SHB: variants seen among roughly 807,000 people sequenced by gnomAD.
SHB encodes SH2 domain-containing adapter protein B.
A neutral mutation model predicts 52.3 loss-of-function variants in SHB; 20 were observed. That is an observed-to-expected ratio of 0.38 (90% CI 0.27 to 0.56). The LOEUF (loss-of-function observed/expected upper bound fraction) is 0.56, where lower values mean the gene tolerates loss of function less well. Among genes scored for constraint, SHB ranks in the 20% least tolerant of loss-of-function variants. The pLI is 0.71. For synonymous variants in SHB, 397 were observed against 316.5 expected, an observed-to-expected ratio of 1.25 and a Z score of -2.70; for missense variants, 825 against 723.3, an observed-to-expected ratio of 1.14 and a Z score of -1.61.
chr9:38,062,368 C>G (rs980707037), intron 1 of SHB, among the ~76,000 whole-genome samples: 2 of 152,154 alleles, frequency 1.3e-5, no homozygotes, highest in African/African-American at 2.4e-5. Context: ...TTGCCTGTAT[C>G]CCTGCCCTTT....
At chr9:38,021,105 A>AG (rs1290630112) in intron 1 of SHB, among the ~76,000 whole-genome samples, 6 of 152,218 alleles carry the variant, frequency 3.9e-5, no homozygotes, top group Non-Finnish European at 8.8e-5. Context: ...TGGGAGGCCG[A>AG]GGCGGGCGGA....
intron 5 of SHB, among the ~76,000 whole-genome samples, chr9:37,938,337 G>A (rs997079045): frequency 1.3e-5 from 2 of 152,208 alleles, no homozygotes; most frequent in Non-Finnish European, 2.9e-5. Flanking sequence ...CCCTTTCACT[G>A]ATAGCAGATG....
intron 5 of SHB, among the ~76,000 whole-genome samples, chr9:37,942,809 G>A (rs1832449432): frequency 2.6e-5 from 4 of 152,096 alleles, no homozygotes; most frequent in Admixed American, 1.3e-4. Context: ...GCCTGCCCAC[G>A]TGCTGTTCGC....
chr9:38,026,453 T>C (rs1014423742), intron 1 of SHB, among the ~76,000 whole-genome samples: 2 of 152,232 alleles, frequency 1.3e-5, no homozygotes, highest in African/African-American at 4.8e-5. Flanking sequence ...CTCATGCACA[T>C]TTCCCACAGG....
rs187594767 is a variant in SHB, at chr9:37,973,268, G to A, written c.1054+1354C>T. On this transcript the variant is annotated intron_variant, in intron 3 of 5. Coordinates refer to ENST00000377707, the MANE Select transcript of SHB (RefSeq NM_003028.3). ...TTTTATTTTTTGCTCTTGTTGCCCA[G>A]GCTGGAGTGCAATGGTGCGATCTCG... Among the ~76,000 whole-genome samples, 23 of 152,270 alleles carry A rather than the reference G, an allele frequency of 1.5e-4. No individual in the cohort carries two copies. In the East Asian group the frequency reaches 4.0e-3, roughly 27 times the overall value.
intron 1 of SHB, 123 bp downstream of exon 1, chr9:38,067,805 GC>G: frequency 9.0e-7 from 1 of 1,105,624 alleles, no homozygotes; most frequent in African/African-American, 1.7e-5. Flanking sequence ...CAGCACGCCA[GC>G]CCCGACCCAG....
Position 37,917,658 on chromosome 9 carries a change from CATCTT to C in SHB, c.*2158_*2162del, listed in dbSNP as rs1430489715. Among the ~76,000 whole-genome samples the C allele has an allele frequency of 6.6e-6, 1 of 152,242 alleles. No individual in the cohort carries two copies. Among genetic ancestry groups the C allele is most frequent in the African/African-American group, 2.4e-5 (1 of 41,456 alleles). ...TTTGGCCAAGTGCCAACTCCTCACT[CATCTT>C]GTCATTTCCCACCTACCTTCCCACT... On this transcript the variant is annotated 3_prime_UTR_variant, in exon 6 of 6. Transcript: ENST00000377707.
At chr9:38,066,223 G>GA (rs1435385806) in intron 1 of SHB, among the ~76,000 whole-genome samples, 12 of 152,310 alleles carry the variant, frequency 7.9e-5, no homozygotes, top group Middle Eastern at 3.4e-3. Context: ...CTGTAACTGG[G>GA]AAAAAATGTT....
At chr9:37,931,876 G>T (rs1257772878) in intron 5 of SHB, among the ~76,000 whole-genome samples, 1 of 152,200 alleles carries the variant, frequency 6.6e-6, no homozygotes, top group Non-Finnish European at 1.5e-5. Flanking sequence ...AGAAACTGTG[G>T]TGTATGTATG....
chr9:37,956,664 T>C (rs1832639155), intron 3 of SHB, among the ~76,000 whole-genome samples: 2 of 152,182 alleles, frequency 1.3e-5, no homozygotes, highest in Admixed American at 1.3e-4. Context: ...CCTGGGCCTG[T>C]GGGAGCATCG....
rs144340954 is a variant in SHB, at chr9:38,063,100, C to A, written c.717+4829G>T. On this transcript the variant is annotated intron_variant, in intron 1 of 5. Transcript: ENST00000377707. ...CAACCAGGAAAAACTGGATTTGATA[C>A]GCAGCATTTCTCTCACACTGCTTTC... 4.8e-3 allele frequency among the ~76,000 whole-genome samples: 732 copies of A among 152,300 alleles called. 4 individuals are homozygous for A. The highest frequency in any genetic ancestry group is 0.017 in the African/African-American group (695 of 41,546).
At chr9:38,030,963 A>AAG (rs1821404892) in intron 1 of SHB, among the ~76,000 whole-genome samples, 1 of 151,752 alleles carries the variant, frequency 6.6e-6, no homozygotes. Flanking sequence ...CAAAAAAAAA[A>AAG]GGGGGGAAAG....
intron 1 of SHB, among the ~76,000 whole-genome samples, chr9:38,050,771 G>C (rs1821728495): frequency 6.6e-6 from 1 of 151,962 alleles, no homozygotes; most frequent in Non-Finnish European, 1.5e-5. Context: ...CTAGTCTGTA[G>C]AAAACAGATG....
At chr9:38,005,754 T>C (rs996024139) in intron 2 of SHB, among the ~76,000 whole-genome samples, 1 of 152,060 alleles carries the variant, frequency 6.6e-6, no homozygotes, top group Non-Finnish European at 1.5e-5. Context: ...ATTAGTCAAA[T>C]AATAGGGTGT....
At chr9:37,977,618 G>A (rs1564092861) in intron 2 of SHB, among the ~76,000 whole-genome samples, 1 of 152,142 alleles carries the variant, frequency 6.6e-6, no homozygotes, top group Admixed American at 6.5e-5. Context: ...GTCACTTTAC[G>A]GTGAAGACCA....
chr9:37,958,072 G>A (rs1470737409), intron 3 of SHB, among the ~76,000 whole-genome samples: 1 of 152,212 alleles, frequency 6.6e-6, no homozygotes, highest in African/African-American at 2.4e-5. Context: ...CAGGATTGCT[G>A]TGCTGAAAAG....
intron 4 of SHB, among the ~76,000 whole-genome samples, chr9:37,951,188 G>A (rs1257833972): frequency 6.6e-6 from 1 of 152,244 alleles, no homozygotes; most frequent in Non-Finnish European, 1.5e-5. Flanking sequence ...GTGGCCAAGT[G>A]GTGGACAGTC....
chr9:38,025,831 A>G (rs997981046), intron 1 of SHB, among the ~76,000 whole-genome samples: 2 of 152,136 alleles, frequency 1.3e-5, no homozygotes, highest in African/African-American at 2.4e-5. Context: ...CCCCCTCCCC[A>G]TGTTGATGAG....
intron 1 of SHB, among the ~76,000 whole-genome samples, chr9:38,056,812 A>G (rs900969274): frequency 6.6e-6 from 1 of 152,250 alleles, no homozygotes; most frequent in Non-Finnish European, 1.5e-5. Context: ...TTAATCCACA[A>G]AGAGTTCTTA....
Sources: allele counts gnomAD v4.1 joint callset (sites outside exome capture counted in the v4.1 genomes callset), GRCh38; gene constraint gnomAD v4.1.1; transcripts MANE v1.5; gene names NCBI Gene and HGNC (gene_info 2026-07-23, HGNC 2026-07-21).